Variants in CDH23 observed in about 807,000 individuals in gnomAD.
CDH23 encodes cadherin-23.
In CDH23, 189 loss-of-function variants were observed where a neutral mutation model predicts 317.1. The ratio of observed to expected loss-of-function variants is 0.60; its 90% CI spans 0.53 to 0.67. CDH23 has a LOEUF of 0.67. CDH23 is among the 30% of genes least tolerant of loss of function. CDH23 has a pLI of 0.00. For missense variants in CDH23, 4,401 were observed against 4,592.4 expected, an observed-to-expected ratio of 0.96 and a Z score of 1.20; for synonymous variants, 1,839 against 1,876.8, an observed-to-expected ratio of 0.98 and a Z score of 0.52.
At chr10:71,528,125 C>T (rs1471300626) in intron 6 of CDH23, among the ~76,000 whole-genome samples, 4 of 152,174 alleles carry the variant, frequency 2.6e-5, no homozygotes, top group African/African-American at 4.8e-5. Context: ...CTCTCCAGGC[C>T]GTGGCCTGGC....
chr10:71,583,404 G>A (rs184718136), intron 9 of CDH23, among the ~76,000 whole-genome samples: 106 of 152,206 alleles, frequency 7.0e-4, no homozygotes, highest in African/African-American at 2.4e-3. Context: ...TCAGGATTGC[G>A]TTTGGGAAGC....
At chr10:71,580,537 T>C (rs542318589) in intron 9 of CDH23, among the ~76,000 whole-genome samples, 2 of 152,344 alleles carry the variant, frequency 1.3e-5, no homozygotes, top group Admixed American at 6.5e-5. Context: ...TGATTGGTAA[T>C]GGCTGCCTGC....
intron 41 of CDH23, among the ~76,000 whole-genome samples, chr10:71,782,205 C>T (rs1840976007): frequency 6.6e-6 from 1 of 152,228 alleles, no homozygotes; most frequent in Non-Finnish European, 1.5e-5. Flanking sequence ...GCACTTGAGC[C>T]TCTCCCGCCA....
At chr10:71,619,280 A>G (rs1368498306) in intron 11 of CDH23, among the ~76,000 whole-genome samples, 1 of 151,874 alleles carries the variant, frequency 6.6e-6, no homozygotes, top group African/African-American at 2.4e-5. Flanking sequence ...GGGTGCAGTG[A>G]GCAGAGATTG....
chr10:71,734,090 TGA>T (rs1445311782), intron 32 of CDH23, 148 bp from the exon 33 acceptor site: 6 of 699,948 alleles, frequency 8.6e-6, no homozygotes, highest in Admixed American at 4.3e-5. Flanking sequence ...CAGTGGAATG[TGA>T]GAGAGAAGAA....
chr10:71,777,541 G>C, intron 38 of CDH23, 139 bp from the exon 39 acceptor site: 1 of 722,304 alleles, frequency 1.4e-6, no homozygotes, highest in Non-Finnish European at 2.3e-6. Flanking sequence ...ACCAGCCTGT[G>C]ACCCACCCCC....
intron 18 of CDH23, 68 bp downstream of exon 18, chr10:71,682,640 A>G: frequency 1.3e-6 from 2 of 1,582,078 alleles, no homozygotes; most frequent in Non-Finnish European, 8.6e-7. Context: ...CTGTGAACCC[A>G]GTACTGTAGG....
Position 71,566,888 on chromosome 10 carries a change from G to C in CDH23, c.576G>C (p.Glu192Asp). ...SARGIVTVIR[E>D]LDYETTQAYQ... ...GCGGTATCGTCACAGTGATCCGGGA[G>C]CTGGACTACGAGACCACACAGGCCT... The change falls in exon 7 of 70, where the codon GAG (glutamate) becomes GAC (aspartate). Residue 192 changes from glutamate to aspartate, a missense_variant. This residue lies in a region of CDH23 where 3,068 missense variants were observed against 3,203.3 expected (regional missense o/e 0.96). Transcript: ENST00000224721. 1 of 1,613,884 alleles carries C rather than the reference G, an allele frequency of 6.2e-7. No homozygotes were observed. Among genetic ancestry groups the C allele is most frequent in the Non-Finnish European group, 8.5e-7 (1 of 1,179,894 alleles).
intron 45 of CDH23, 141 bp downstream of exon 45, chr10:71,789,183 T>C (rs1841179247): frequency 6.8e-6 from 4 of 591,248 alleles, no homozygotes; most frequent in South Asian, 2.1e-5. Context: ...TGGGTGCAGC[T>C]CCGGGAGATG....
At chr10:71,525,243 A>T (rs1056558945) in intron 6 of CDH23, among the ~76,000 whole-genome samples, 1 of 152,192 alleles carries the variant, frequency 6.6e-6, no homozygotes, top group African/African-American at 2.4e-5. Flanking sequence ...CCCATGTTGG[A>T]CTTCTGACCT....
intron 28 of CDH23, chr10:71,713,560 T>C (rs1399250836): frequency 4.3e-6 from 2 of 465,728 alleles, no homozygotes; most frequent in East Asian, 8.1e-5. Context: ...AGGAAAGGGC[T>C]GGGGAGCAGG....
intron 38 of CDH23, among the ~76,000 whole-genome samples, chr10:71,759,938 C>T (rs868574319): frequency 0.025 from 2,737 of 107,856 alleles, 259 homozygotes; most frequent in African/African-American, 0.09. Flanking sequence ...CACATATATA[C>T]ACACACACAT....
chr10:71,649,464 G>C (rs114930918), intron 14 of CDH23, among the ~76,000 whole-genome samples: 1 of 152,170 alleles, frequency 6.6e-6, no homozygotes, highest in Non-Finnish European at 1.5e-5. Flanking sequence ...CTGTCCTGGG[G>C]GAAGGTGGTC....
At chr10:71,463,383 A>G (rs1272852864) in intron 3 of CDH23, among the ~76,000 whole-genome samples, 1 of 152,198 alleles carries the variant, frequency 6.6e-6, no homozygotes, top group Non-Finnish European at 1.5e-5. Context: ...CCGGCTGCCA[A>G]GAAGTGTTTT....
At chr10:71,499,151 A>G (rs114606725) in intron 3 of CDH23, among the ~76,000 whole-genome samples, 2,604 of 152,368 alleles carry the variant, frequency 0.017, 72 homozygotes, top group African/African-American at 0.06. Context: ...AGCCAGGCAC[A>G]GAAAGACAAA....
intron 32 of CDH23, among the ~76,000 whole-genome samples, chr10:71,733,750 C>T (rs1244037652): frequency 1.3e-5 from 2 of 152,202 alleles, no homozygotes; most frequent in African/African-American, 4.8e-5. Flanking sequence ...TTATCTACTG[C>T]CAGGCTCTTA....
At position 71,811,701 on chromosome 10, in the gene CDH23, G is replaced by A. The variant is rs1841934077; in HGVS notation, c.9279-12G>A. On this transcript the variant is annotated splice_polypyrimidine_tract_variant and intron_variant, in intron 64 of 69. Coordinates refer to ENST00000224721, the MANE Select transcript of CDH23 (RefSeq NM_022124.6). ...TGGCCCCCCTCACCAGCCCCTCTCT[G>A]CTTCTCTCCAGACACAAGAGGAAGC... The A allele has an allele frequency of 6.2e-7, 1 of 1,610,324 alleles. No individual in the cohort carries two copies. Among genetic ancestry groups the A allele is most frequent in the African/African-American group, 1.3e-5 (1 of 74,968 alleles).
rs191386520 is a variant in CDH23, at chr10:71,455,678, C to G, written c.145+9283C>G. ...ATATATACAGTATGTTCAATTGTAA[C>G]AGGTGCTAAGGAAGAAGAACCATCT... is the stretch of plus-strand genomic sequence containing the variant. On this transcript the variant is annotated intron_variant, in intron 3 of 69. Transcript: ENST00000224721. Among the ~76,000 whole-genome samples the G allele has an allele frequency of 2.8e-3, 422 of 152,266 alleles. 3 individuals carry two copies. The highest frequency in any genetic ancestry group is 9.8e-3 in the African/African-American group (409 of 41,544).
chr10:71,760,398 T>C (rs1840348281), intron 38 of CDH23: 1 of 152,764 alleles, frequency 6.5e-6, no homozygotes, highest in Admixed American at 6.5e-5. Context: ...TCAGGAAAGG[T>C]AGTTCTGTTC....
Sources: allele counts gnomAD v4.1 joint callset (sites outside exome capture counted in the v4.1 genomes callset), GRCh38; gene constraint gnomAD v4.1.1; regional missense constraint gnomAD v4.1.1; transcripts MANE v1.5; gene names NCBI Gene and HGNC (gene_info 2026-07-23, HGNC 2026-07-21).